Variants in KLHL22 observed in about 807,000 individuals in gnomAD.
KLHL22 encodes the protein kelch like family member 22.
In KLHL22, 18 loss-of-function variants were observed where a neutral mutation model predicts 60.7. The observed-to-expected ratio is 0.30, with a 90% CI of 0.20 to 0.44. The LOEUF is 0.44. Ranked by LOEUF, KLHL22 falls within the 20% of genes least tolerant of loss-of-function variation. The pLI is 1.00. For missense variants in KLHL22, 596 were observed against 852.3 expected (o/e 0.70, Z 3.74); for synonymous variants, 355 against 354.5 (o/e 1.00, Z -0.01).
Position 20,489,071 on chromosome 22 carries a change from T to G in KLHL22, c.141A>C (p.Gly47=), listed in dbSNP as rs756007806. 1 of 1,614,068 alleles carries G rather than the reference T, an allele frequency of 6.2e-7. No individual in the cohort carries two copies. Among genetic ancestry groups the G allele is most frequent in the Admixed American group, 1.7e-5 (1 of 60,014 alleles). The part of the protein sequence containing the change: ...LRGLLALRDS[G]ILFDVVLVVE... ...CCACCAGCACAACATCGAAGAGGAT[T>G]CCGCTGTCCCGGAGAGCCAGCAGCC... Residue 47 remains glycine (G), a synonymous_variant, in exon 2 of 7, where the codon GGA becomes GGC. Transcript: ENST00000328879.
At chr22:20,480,542 GA>G (rs1175441701) in intron 2 of KLHL22, among the ~76,000 whole-genome samples, 1 of 152,072 alleles carries the variant, frequency 6.6e-6, no homozygotes, top group Non-Finnish European at 1.5e-5. Context: ...AGATGGGGGA[GA>G]AAAATATTTC....
chr22:20,487,064 C>T (rs558404609), intron 2 of KLHL22, among the ~76,000 whole-genome samples: 1 of 152,226 alleles, frequency 6.6e-6, no homozygotes, highest in African/African-American at 2.4e-5. Flanking sequence ...GGATTACAGG[C>T]ATGTGCCACC....
chr22:20,459,336 C>T (rs1328364234), intron 4 of KLHL22, among the ~76,000 whole-genome samples: 1 of 152,186 alleles, frequency 6.6e-6, no homozygotes, highest in African/African-American at 2.4e-5. Context: ...AGCCCCTCCC[C>T]GCCGCCTACC....
intron 5 of KLHL22, among the ~76,000 whole-genome samples, chr22:20,446,882 C>T (rs1197657167): frequency 1.3e-5 from 2 of 152,224 alleles, no homozygotes; most frequent in African/African-American, 2.4e-5. Context: ...TTCCCAATAG[C>T]GGATACATCT....
At chr22:20,455,406 A>G (rs1379215050) in intron 5 of KLHL22, among the ~76,000 whole-genome samples, 2 of 152,108 alleles carry the variant, frequency 1.3e-5, no homozygotes, top group African/African-American at 4.8e-5. Flanking sequence ...AGCATGCCCC[A>G]TGCTTCCTCT....
chr22:20,444,779 TTTTGTTTG>T (rs150439544), intron 6 of KLHL22, among the ~76,000 whole-genome samples: 1 of 151,486 alleles, frequency 6.6e-6, no homozygotes, highest in South Asian at 2.1e-4. Flanking sequence ...GGATGCTCTT[TTTTGTTTG>T]TTTGTTTGTT....
chr22:20,472,547 G>A (rs2053344728), intron 2 of KLHL22, among the ~76,000 whole-genome samples: 1 of 152,156 alleles, frequency 6.6e-6, no homozygotes, highest in Non-Finnish European at 1.5e-5. Context: ...CCAACATGGT[G>A]AAACCCCGTC....
chr22:20,493,367 G>A (rs1315058199), intron 1 of KLHL22: 1 of 396,248 alleles, frequency 2.5e-6, no homozygotes, highest in African/African-American at 2.1e-5. Flanking sequence ...GCACAGCACA[G>A]GGTGCAACAT....
intron 3 of KLHL22, among the ~76,000 whole-genome samples, chr22:20,468,726 C>A (rs1485248903): frequency 6.6e-6 from 1 of 151,974 alleles, no homozygotes; most frequent in Non-Finnish European, 1.5e-5. Flanking sequence ...GTGTGGTGAT[C>A]ACAGCTTACT....
At chr22:20,462,534 T>C (rs375401307) in intron 4 of KLHL22, among the ~76,000 whole-genome samples, 199 of 151,354 alleles carry the variant, frequency 1.3e-3, no homozygotes, top group Middle Eastern at 6.8e-3. Flanking sequence ...TTTTTTTTTT[T>C]TTTTTGGTAG....
chr22:20,490,200 CT>C (rs1467937657), intron 1 of KLHL22, among the ~76,000 whole-genome samples: 1 of 152,222 alleles, frequency 6.6e-6, no homozygotes, highest in East Asian at 1.9e-4. Context: ...CTTCATCCTA[CT>C]TTCCTCTCCC....
chr22:20,489,739 T>A (rs1022797237), intron 1 of KLHL22: 4 of 471,078 alleles, frequency 8.5e-6, no homozygotes, highest in Non-Finnish European at 1.8e-5. Context: ...TTCTTCCTCA[T>A]AGTAATGGAT....
At chr22:20,446,958 G>T (rs1243261952) in intron 5 of KLHL22, among the ~76,000 whole-genome samples, 1 of 152,158 alleles carries the variant, frequency 6.6e-6, no homozygotes, top group Non-Finnish European at 1.5e-5. Flanking sequence ...TCTGCATGGG[G>T]GAACTCCAAG....
chr22:20,492,879 A>T (rs1601398976), intron 1 of KLHL22, among the ~76,000 whole-genome samples: 1 of 152,164 alleles, frequency 6.6e-6, no homozygotes. Flanking sequence ...GGCATGAGCC[A>T]CCGCGCCCGG....
intron 5 of KLHL22, among the ~76,000 whole-genome samples, chr22:20,453,599 G>C (rs574166304): frequency 6.6e-6 from 1 of 151,950 alleles, no homozygotes; most frequent in East Asian, 1.9e-4. Flanking sequence ...CCATCTTATC[G>C]TTCTTTTTCA....
Position 20,454,015 on chromosome 22 carries a change from G to A in KLHL22, c.1305+3793C>T, listed in dbSNP as rs542363406. 2.6e-5 allele frequency among the ~76,000 whole-genome samples: 4 copies of A among 152,254 alleles called. No individual in the cohort carries two copies. In the South Asian group the frequency reaches 6.2e-4, roughly 24 times the overall value. On this transcript the variant is annotated intron_variant, in intron 5 of 6. Coordinates refer to ENST00000328879, the MANE Select transcript of KLHL22 (RefSeq NM_032775.4). ...CTCCCAAAGTGCTGGGATTACAGAC[G>A]TGAGCCACTGCGACCAGCAATAAAA...
In KLHL22 at chr22:20,442,262, G is replaced by A; in HGVS notation, c.1716C>T (p.Cys572=). 2.5e-6 allele frequency: 4 copies of A among 1,613,714 alleles called. No homozygotes were observed. The highest frequency in any genetic ancestry group is 3.4e-6 in the Non-Finnish European group (4 of 1,179,860). The change falls in exon 7 of 7, where the codon TGC becomes TGT. Residue 572 remains cysteine (C), a synonymous_variant. Coordinates refer to ENST00000328879, the MANE Select transcript of KLHL22 (RefSeq NM_032775.4). ...TGTCCAGCTGGGGCCCTTCCTCCCA[G>A]CAGTCCTTCTCCACATCGTAAATGT... ...YVHIYDVEKD[C]WEEGPQLDNS...
rs1165725667 is a variant in KLHL22 at position 20,495,412 on chromosome 22, C to T, written c.-34+348G>A. ...CCCGCTCCAGCGCGGAGGGTCGCGG[C>T]CAGGAAGGCCGCATTCGGACCTGCC... On this transcript the variant is annotated intron_variant, in intron 1 of 6. Coordinates refer to ENST00000328879, the MANE Select transcript of KLHL22 (RefSeq NM_032775.4). The surrounding 1 kb of genome is among the most constrained non-coding windows in gnomAD (Gnocchi z 4.6). Among the ~76,000 whole-genome samples the T allele has an allele frequency of 7.9e-5, 12 of 152,140 alleles. No homozygotes were observed. The East Asian group carries it at 2.3e-3, about 29-fold the overall frequency.
intron 5 of KLHL22, among the ~76,000 whole-genome samples, chr22:20,452,260 CT>C (rs978496639): frequency 6.8e-6 from 1 of 147,958 alleles, no homozygotes; most frequent in African/African-American, 2.5e-5. Context: ...AAATCCAAGT[CT>C]TTTTTTTTTC....
Sources: gnomAD v4.1 joint callset for allele counts (sites outside exome capture counted in the v4.1 genomes callset) on GRCh38, gnomAD v4.1.1 for gene constraint, Gnocchi (gnomAD v3.1) non-coding constraint, MANE v1.5 for transcripts, NCBI Gene and HGNC (gene_info 2026-07-23, HGNC 2026-07-21) for gene names.